Variants in CELF2 observed in about 807,000 individuals in gnomAD.
CELF2 encodes the protein CUG triplet repeat RNA-binding protein 2.
A neutral mutation model predicts 62.6 loss-of-function variants in CELF2; 8 were observed. That is an observed-to-expected ratio of 0.13 (90% CI 0.07 to 0.23). The LOEUF (loss-of-function observed/expected upper bound fraction) is 0.23, where lower values mean the gene tolerates loss of function less well. Ranked by LOEUF, CELF2 falls within the 10% of genes least tolerant of loss-of-function variation. The pLI is 1.00. For missense variants in CELF2, 333 were observed against 671.0 expected (o/e 0.50, Z 5.56); for synonymous variants, 258 against 250.0 (o/e 1.03, Z -0.30).
chr10:10,810,108 A>T (rs766741266), intron 1 of CELF2, among the ~76,000 whole-genome samples: 2 of 152,252 alleles, frequency 1.3e-5, no homozygotes, highest in Admixed American at 6.5e-5. Flanking sequence ...TGTCAATGCC[A>T]TCTGGAGGGA....
chr10:10,808,294 C>T (rs886296363), intron 1 of CELF2, among the ~76,000 whole-genome samples: 16 of 152,146 alleles, frequency 1.1e-4, no homozygotes, highest in African/African-American at 9.7e-5. Context: ...TTTGAAATAC[C>T]ACATTTACCT....
rs1456415477 is a variant in CELF2 at position 11,202,939 on chromosome 10, CTCTCTCTCTCTCTGTG to C, written c.272-14484_272-14469del. 1.1e-3 allele frequency among the ~76,000 whole-genome samples: 95 copies of C among 85,178 alleles called. 1 individual carries two copies. The highest frequency in any genetic ancestry group is 0.013 in the Middle Eastern group (2 of 154). 55.9% of individuals were successfully genotyped at this position (85,178 alleles called of 152,430 possible). Reference sequence around the variant, plus strand: ...TCTCTCTCTCTCTCTCTCTCTCTCTCTCTCTCTCTCTCTGTGTGTGTGTGTGTGTGTGTAATCCAAA... The same window carrying C: ...TCTCTCTCTCTCTCTCTCTCTCTCTCTGTGTGTGTGTGTGTGTAATCCAAA... On this transcript the variant is annotated intron_variant, in intron 2 of 12. Transcript: ENST00000633077.
chr10:11,008,451 A>G lies in CELF2; in HGVS notation c.53+3011A>G, dbSNP rs1319787804. ...TAAAATAGGAGGGTATACATTTGCA[A>G]AAATCTCCTTTTGGGGCTGAAAAAC... is the stretch of plus-strand genomic sequence containing the variant. On this transcript the variant is annotated intron_variant, in intron 1 of 12. Transcript: ENST00000416382. This position sits in a 1 kb window ranked among gnomAD's most constrained non-coding sequence, Gnocchi z 4.5. Among the ~76,000 whole-genome samples the G allele has an allele frequency of 1.3e-5, 2 of 152,192 alleles. No homozygotes were observed. The highest frequency in any genetic ancestry group is 4.8e-5 in the African/African-American group (2 of 41,440).
chr10:11,068,111 A>G (rs1317478279), intron 1 of CELF2, among the ~76,000 whole-genome samples: 1 of 152,156 alleles, frequency 6.6e-6, no homozygotes, highest in Non-Finnish European at 1.5e-5. Flanking sequence ...ATTTAGACTC[A>G]TTTTCCCAGG....
chr10:11,196,050 G>T (rs1346632030), intron 2 of CELF2, among the ~76,000 whole-genome samples: 1 of 149,304 alleles, frequency 6.7e-6, no homozygotes, highest in African/African-American at 2.5e-5. Flanking sequence ...AAAAAAAACT[G>T]GTCCCTTGAG....
chr10:10,487,980 G>A, the CELF2 span, among the ~76,000 whole-genome samples: 2 of 151,990 alleles, frequency 1.3e-5, no homozygotes, highest in African/African-American at 4.8e-5. Flanking sequence ...TTACATGATT[G>A]TTACATAAAA....
rs1026462708 is a variant in CELF2 at position 11,328,825 on chromosome 10, C to A, written c.1439-101C>A. 1.4e-6 allele frequency: 2 copies of A among 1,391,410 alleles called. No homozygotes were observed. Among genetic ancestry groups the A allele is most frequent in the Admixed American group, 4.1e-5 (2 of 48,866 alleles). 86.2% of individuals were successfully genotyped at this position (1,391,410 alleles called of 1,614,324 possible). A position where few individuals can be genotyped will look rare whatever the true frequency, so the allele number is the denominator to read the frequency against. ...CTGTGCTGGGCCCGTGGGGCTGGCA[C>A]CTCATGCTGGCTCTTCAGCCTTCCC... On this transcript the variant is annotated intron_variant, in intron 12 of 12. Transcript: ENST00000633077. The surrounding 1 kb of genome is among the most constrained non-coding windows in gnomAD (Gnocchi z 6.4).
the CELF2 span, among the ~76,000 whole-genome samples, chr10:10,644,518 C>T: frequency 6.6e-5 from 10 of 152,090 alleles, no homozygotes; most frequent in East Asian, 1.5e-3. Context: ...CCAGCAGGCA[C>T]GTCACACTGA....
chr10:10,568,060 G>T, the CELF2 span, among the ~76,000 whole-genome samples: 1 of 152,048 alleles, frequency 6.6e-6, no homozygotes, highest in Non-Finnish European at 1.5e-5. Flanking sequence ...TAATTACAGG[G>T]TGTAAGTACT....
At chr10:11,034,890 G>C (rs1395239470) in intron 1 of CELF2, among the ~76,000 whole-genome samples, 1 of 152,128 alleles carries the variant, frequency 6.6e-6, no homozygotes, top group Non-Finnish European at 1.5e-5. Context: ...GGATGGAATT[G>C]CAGCCACTTG....
rs1236769791 is a variant in CELF2 at position 11,331,635 on chromosome 10, AAAGTTTGTT to A, written c.*2585_*2593del. The A allele has an allele frequency of 6.6e-6, 1 of 152,502 alleles. No homozygotes were observed. The highest frequency in any genetic ancestry group is 1.9e-4 in the East Asian group (1 of 5,204). 9.4% of individuals were successfully genotyped at this position (152,502 alleles called of 1,614,324 possible). ...AAAAAACAAAACAAAAAAAGGTTAC[AAAGTTTGTT>A]AACTTGCTATCCTGTGGTCTTGTTG... On this transcript the variant is annotated 3_prime_UTR_variant, in exon 13 of 13. Transcript: ENST00000633077.
chr10:10,868,683 C>A (rs1478961359), intron 1 of CELF2, among the ~76,000 whole-genome samples: 1 of 152,192 alleles, frequency 6.6e-6, no homozygotes, highest in Non-Finnish European at 1.5e-5. Flanking sequence ...TCCTTCCTTC[C>A]TACTGGCTGC....
intron 2 of CELF2, among the ~76,000 whole-genome samples, chr10:10,925,650 T>A (rs2134924991): frequency 6.6e-6 from 1 of 152,208 alleles, no homozygotes; most frequent in East Asian, 1.9e-4. Flanking sequence ...AGTAAGGACA[T>A]CATCCCGAAC....
chr10:11,253,312 C>G (rs2077692155), intron 4 of CELF2, among the ~76,000 whole-genome samples: 1 of 152,174 alleles, frequency 6.6e-6, no homozygotes, highest in African/African-American at 2.4e-5. Context: ...CTGTGTGTGT[C>G]TCTCTCAAGG....
intron 1 of CELF2, among the ~76,000 whole-genome samples, chr10:11,058,561 G>A (rs2065927099): frequency 6.8e-6 from 1 of 147,426 alleles, no homozygotes; most frequent in Admixed American, 6.9e-5. Context: ...CCACCTCCCA[G>A]GTTCAAGCGA....
At chr10:10,464,791 C>G in the CELF2 span, among the ~76,000 whole-genome samples, 1 of 152,094 alleles carries the variant, frequency 6.6e-6, no homozygotes, top group African/African-American at 2.4e-5. Context: ...GATGCTTTCC[C>G]CCATTAACAA....
At chr10:10,812,619 C>T in intron 1 of CELF2, among the ~76,000 whole-genome samples, 1 of 152,156 alleles carries the variant, frequency 6.6e-6, no homozygotes, top group East Asian at 1.9e-4. Flanking sequence ...GTATGCAGGA[C>T]CCAGGTTTCA....
At chr10:10,932,935 A>G (rs955461057) in intron 2 of CELF2, among the ~76,000 whole-genome samples, 4 of 152,184 alleles carry the variant, frequency 2.6e-5, no homozygotes, top group Non-Finnish European at 4.4e-5. Flanking sequence ...TGAAATATGA[A>G]TTAGAAAAGT....
At chr10:10,529,157 G>A in the CELF2 span, among the ~76,000 whole-genome samples, 2 of 152,202 alleles carry the variant, frequency 1.3e-5, no homozygotes, top group African/African-American at 4.8e-5. Context: ...GCAGAGTCTA[G>A]CAATGCAGAC....
Sources: gnomAD v4.1 joint callset for allele counts (sites outside exome capture counted in the v4.1 genomes callset) on GRCh38, gnomAD v4.1.1 for gene constraint, Gnocchi (gnomAD v3.1) non-coding constraint, MANE v1.5 for transcripts, NCBI Gene and HGNC (gene_info 2026-07-23, HGNC 2026-07-21) for gene names.